The following CLIC5 variants were observed in gnomAD, a reference collection of about 807,000 sequenced individuals.
The protein encoded by CLIC5 is CLIC family member 5.
CLIC5 carries 20 observed loss-of-function variants against 24.7 expected under a neutral mutation model. The ratio of observed to expected loss-of-function variants is 0.81; its 90% confidence interval spans 0.57 to 1.18. The LOEUF is 1.18. CLIC5 is among the 50% of genes most tolerant of loss of function. The pLI, the probability that CLIC5 is intolerant of heterozygous loss-of-function variation, is 0.00. For synonymous variants in CLIC5, 159 were observed against 135.6 expected (o/e 1.17, Z -1.20); for missense variants, 341 against 326.1 (o/e 1.05, Z -0.35).
intron 1 of CLIC5, among the ~76,000 whole-genome samples, chr6:45,996,950 T>A (rs1766165632): frequency 6.6e-6 from 1 of 152,090 alleles, no homozygotes; most frequent in African/African-American, 2.4e-5. Flanking sequence ...GTGTGGTGAT[T>A]CCTCAGGGAT....
chr6:45,969,159 C>T (rs1422006067), intron 1 of CLIC5, among the ~76,000 whole-genome samples: 1 of 152,194 alleles, frequency 6.6e-6, no homozygotes, highest in East Asian at 1.9e-4. Context: ...TGGCTCACAG[C>T]ACGGGCTGGA....
chr6:46,126,962 A>T, the CLIC5 span, among the ~76,000 whole-genome samples: 8 of 152,202 alleles, frequency 5.3e-5, no homozygotes, highest in African/African-American at 2.4e-5. Flanking sequence ...GATTTTTAAA[A>T]TATTTTGTGT....
At chr6:46,022,123 A>C (rs1229825889) in intron 1 of CLIC5, among the ~76,000 whole-genome samples, 1 of 152,230 alleles carries the variant, frequency 6.6e-6, no homozygotes, top group East Asian at 1.9e-4. Flanking sequence ...CAACAAAATA[A>C]AACAAACTTT....
chr6:45,983,330 C>T (rs7764538), intron 1 of CLIC5, among the ~76,000 whole-genome samples: 46,645 of 152,026 alleles, frequency 0.31, 7,551 homozygotes, highest in Middle Eastern at 0.45. Context: ...ATGCACAGAG[C>T]CACCAAAGTG....
upstream of CLIC5, among the ~76,000 whole-genome samples, chr6:46,019,854 C>T (rs2127449202): frequency 6.6e-6 from 1 of 150,638 alleles, no homozygotes; most frequent in South Asian, 2.1e-4. Context: ...ATAACAGAGC[C>T]AGCTCACCAA....
chr6:46,069,928 C>G (rs1355907706), intron 1 of CLIC5, among the ~76,000 whole-genome samples: 1 of 152,124 alleles, frequency 6.6e-6, no homozygotes, highest in South Asian at 2.1e-4. Context: ...ATATGCAAAT[C>G]AATAAATGTG....
intron 1 of CLIC5, among the ~76,000 whole-genome samples, chr6:46,042,626 C>T (rs1767839119): frequency 6.6e-6 from 1 of 152,130 alleles, no homozygotes. Flanking sequence ...GCCTTGCCCT[C>T]TCAATGAGAC....
the CLIC5 span, among the ~76,000 whole-genome samples, chr6:46,111,270 T>G: frequency 1.3e-5 from 2 of 151,920 alleles, no homozygotes; most frequent in Admixed American, 6.6e-5. Flanking sequence ...TGCCTGATGA[T>G]GTATGGACTA....
chr6:46,058,743 T>C (rs1473252564), intron 1 of CLIC5, among the ~76,000 whole-genome samples: 5 of 152,074 alleles, frequency 3.3e-5, no homozygotes, highest in Admixed American at 1.3e-4. Flanking sequence ...TCTTGTACTA[T>C]AAAGGCTCAA....
chr6:46,021,238 T>C (rs1184079558), intron 1 of CLIC5, among the ~76,000 whole-genome samples: 1 of 152,004 alleles, frequency 6.6e-6, no homozygotes, highest in African/African-American at 2.4e-5. Context: ...TACCACAATA[T>C]ACCTATTAGA....
the CLIC5 span, among the ~76,000 whole-genome samples, chr6:46,119,156 G>A: frequency 6.6e-6 from 1 of 152,210 alleles, no homozygotes; most frequent in Non-Finnish European, 1.5e-5. Context: ...AGAACTGGAA[G>A]TAAAAAATTT....
intron 1 of CLIC5, among the ~76,000 whole-genome samples, chr6:46,012,516 T>A (rs1766842771): frequency 6.6e-6 from 1 of 152,226 alleles, no homozygotes; most frequent in African/African-American, 2.4e-5. Context: ...CTTGGAAGCA[T>A]TCTATGAACA....
chr6:46,093,122 C>T, the CLIC5 span, among the ~76,000 whole-genome samples: 1 of 152,158 alleles, frequency 6.6e-6, no homozygotes, highest in African/African-American at 2.4e-5. Context: ...ATGCCTTCCC[C>T]ATGAAGCCCC....
chr6:46,043,901 C>A (rs1202467401), intron 1 of CLIC5, among the ~76,000 whole-genome samples: 2 of 152,184 alleles, frequency 1.3e-5, no homozygotes, highest in Non-Finnish European at 2.9e-5. Flanking sequence ...GAGGGACAGC[C>A]CACTCTTCAG....
At chr6:45,892,442 C>T (rs76829878) in intron 6 of CLIC5, among the ~76,000 whole-genome samples, 4,757 of 152,216 alleles carry the variant, frequency 0.031, 232 homozygotes, top group African/African-American at 0.11. Context: ...GGAAGCCCAG[C>T]ATTTGACTGG....
intron 1 of CLIC5, among the ~76,000 whole-genome samples, chr6:46,061,408 G>C (rs954498202): frequency 6.6e-6 from 1 of 152,200 alleles, no homozygotes; most frequent in Admixed American, 6.5e-5. Flanking sequence ...GGCCAGGATG[G>C]TCTCGATCTC....
chr6:46,066,215 G>T (rs998021086), intron 1 of CLIC5, among the ~76,000 whole-genome samples: 1 of 152,068 alleles, frequency 6.6e-6, no homozygotes, highest in Non-Finnish European at 1.5e-5. Flanking sequence ...GGGGCAGGGG[G>T]CAATGTCAGC....
intron 1 of CLIC5, among the ~76,000 whole-genome samples, chr6:46,046,052 T>A (rs1767944451): frequency 1.3e-5 from 2 of 152,180 alleles, no homozygotes; most frequent in African/African-American, 4.8e-5. Flanking sequence ...GGTGCCAGAA[T>A]TACTCCATAG....
rs938525127 is a variant in CLIC5, at chr6:45,958,905, A to T, written c.64-3661T>A. Among the ~76,000 whole-genome samples the T allele has an allele frequency of 6.6e-5, 10 of 152,196 alleles. No homozygotes were observed. In the East Asian group the frequency reaches 1.9e-3, roughly 29 times the overall value. ...GATGTCCCTCCCTTTTTGTGGCTTG[A>T]GGATCTCAAAATTCTCTCACTGGCA... On this transcript the variant is annotated intron_variant, in intron 1 of 5. Coordinates refer to ENST00000339561, the MANE Select transcript of CLIC5 (RefSeq NM_016929.5).
Sources: allele counts gnomAD v4.1 joint callset (sites outside exome capture counted in the v4.1 genomes callset), GRCh38; gene constraint gnomAD v4.1.1; transcripts MANE v1.5; gene names NCBI Gene and HGNC (gene_info 2026-07-23, HGNC 2026-07-21).